Variants in TMEM217B observed in about 807,000 individuals in gnomAD.
The protein encoded by TMEM217B is transmembrane protein 217B, also known as putative transmembrane protein 217B.
the TMEM217B span, among the ~76,000 whole-genome samples, chr6:37,238,357 T>C: frequency 6.6e-6 from 1 of 152,246 alleles, no homozygotes; most frequent in African/African-American, 2.4e-5. Flanking sequence ...TTATTATGCA[T>C]ATAAAACTAC....
At chr6:37,218,354 A>C in the TMEM217B span, 1 of 1,294,344 alleles carries the variant, frequency 7.7e-7, no homozygotes, top group Non-Finnish European at 1.1e-6. Context: ...TTTTTTTAGT[A>C]GAGACGGGGT....
At chr6:37,246,546 C>A in the TMEM217B span, among the ~76,000 whole-genome samples, 3 of 152,188 alleles carry the variant, frequency 2.0e-5, no homozygotes, top group African/African-American at 7.2e-5. Context: ...TCTACTTCTA[C>A]TCTTCATCTG....
At chr6:37,243,609 G>GT in the TMEM217B span, among the ~76,000 whole-genome samples, 11 of 152,176 alleles carry the variant, frequency 7.2e-5, no homozygotes, top group South Asian at 2.1e-4. Context: ...GTTTTGTTTT[G>GT]TTTTTTGAGA....
At chr6:37,215,118 G>T in the TMEM217B span, 5 of 1,571,958 alleles carry the variant, frequency 3.2e-6, no homozygotes, top group South Asian at 1.2e-5. Flanking sequence ...CTCTCTCTTG[G>T]GTCACTATAA....
the TMEM217B span, among the ~76,000 whole-genome samples, chr6:37,227,744 C>T: frequency 6.6e-6 from 1 of 151,920 alleles, no homozygotes; most frequent in Non-Finnish European, 1.5e-5. Context: ...CCATTGCGCT[C>T]AGCCTAAATG....
chr6:37,237,082 T>G, the TMEM217B span, among the ~76,000 whole-genome samples: 2 of 152,130 alleles, frequency 1.3e-5, no homozygotes, highest in Non-Finnish European at 2.9e-5. Context: ...AGAAGTCCCA[T>G]AGCAACACGT....
the TMEM217B span, chr6:37,218,431 C>T: frequency 6.2e-7 from 1 of 1,601,736 alleles, no homozygotes; most frequent in African/African-American, 1.3e-5. Flanking sequence ...CCTACCTCTG[C>T]CTCTCAAAGT....
chr6:37,222,289 G>A, the TMEM217B span, among the ~76,000 whole-genome samples: 1 of 152,210 alleles, frequency 6.6e-6, no homozygotes, highest in Non-Finnish European at 1.5e-5. Flanking sequence ...TTCCACCCGG[G>A]AATCGATACG....
the TMEM217B span, among the ~76,000 whole-genome samples, chr6:37,255,098 G>GCAA: frequency 6.6e-6 from 1 of 152,154 alleles, no homozygotes; most frequent in South Asian, 2.1e-4. Context: ...TTCCTAACAG[G>GCAA]CAACAGACAG....
At chr6:37,226,596 C>T in the TMEM217B span, among the ~76,000 whole-genome samples, 2 of 148,622 alleles carry the variant, frequency 1.3e-5, no homozygotes, top group Non-Finnish European at 3.0e-5. Context: ...TGCGCCCGGC[C>T]GAGACAGAGT....
At chr6:37,257,732 C>T in the TMEM217B span, 1 of 614,294 alleles carries the variant, frequency 1.6e-6, no homozygotes. Flanking sequence ...ACGGCTTGCG[C>T]AGCTCACCAA....
At chr6:37,215,827 G>A in the TMEM217B span, among the ~76,000 whole-genome samples, 1 of 152,114 alleles carries the variant, frequency 6.6e-6, no homozygotes, top group South Asian at 2.1e-4. Context: ...ACAACACAAA[G>A]GGGTAGGCAC....
the TMEM217B span, among the ~76,000 whole-genome samples, chr6:37,256,388 C>T: frequency 6.6e-6 from 1 of 152,190 alleles, no homozygotes; most frequent in Admixed American, 6.5e-5. Flanking sequence ...TCAGTACATC[C>T]CTCTTTGGGC....
chr6:37,218,985 C>T, the TMEM217B span: 66 of 1,614,054 alleles, frequency 4.1e-5, no homozygotes, highest in South Asian at 5.9e-4. Flanking sequence ...CCTGACAACA[C>T]GGTGCCCATT....
At chr6:37,248,340 T>G in the TMEM217B span, among the ~76,000 whole-genome samples, 1 of 152,232 alleles carries the variant, frequency 6.6e-6, no homozygotes, top group African/African-American at 2.4e-5. Context: ...AATTAATTTC[T>G]ATCTACAGTG....
chr6:37,215,080 C>T, the TMEM217B span: 4 of 1,360,842 alleles, frequency 2.9e-6, no homozygotes, highest in Non-Finnish European at 4.0e-6. Flanking sequence ...AGCTCTGCTG[C>T]CCCAGCCTTG....
the TMEM217B span, chr6:37,257,975 T>G: frequency 6.2e-7 from 1 of 1,613,706 alleles, no homozygotes; most frequent in Non-Finnish European, 8.5e-7. Flanking sequence ...GCCGGGGAGG[T>G]GAGCCCAGGA....
chr6:37,228,377 G>A, the TMEM217B span, among the ~76,000 whole-genome samples: 4,429 of 152,290 alleles, frequency 0.029, 184 homozygotes, highest in Middle Eastern at 0.092. Context: ...GGGCCATGTT[G>A]CAATTTTCAC....
At chr6:37,235,523 G>A in the TMEM217B span, among the ~76,000 whole-genome samples, 28 of 152,132 alleles carry the variant, frequency 1.8e-4, no homozygotes, top group Admixed American at 4.6e-4. Flanking sequence ...CCGCCACCAC[G>A]CCTGGCTAAT....
Sources: gnomAD v4.1 joint callset for allele counts (sites outside exome capture counted in the v4.1 genomes callset) on GRCh38, gnomAD v4.1.1 for gene constraint, MANE v1.5 for transcripts, NCBI Gene and HGNC (gene_info 2026-07-23, HGNC 2026-07-21) for gene names.